The following CAP2 variants were observed in gnomAD, a reference collection of about 807,000 sequenced individuals.
CAP2 encodes the protein adenylyl cyclase-associated protein 2.
In CAP2, 24 loss-of-function variants were observed where a neutral mutation model predicts 57.7. That is an observed-to-expected ratio of 0.42 (90% confidence interval 0.30 to 0.58). The LOEUF (loss-of-function observed/expected upper bound fraction) is 0.58, where lower values mean the gene tolerates loss of function less well. Ranked by LOEUF, CAP2 falls within the 20% of genes least tolerant of loss-of-function variation. CAP2 has a pLI of 0.22. For missense variants in CAP2, 501 were observed against 590.3 expected (o/e 0.85, Z 1.57); for synonymous variants, 194 against 207.2 (o/e 0.94, Z 0.55).
chr6:17,485,992 A>G (rs1761409108), intron 4 of CAP2, among the ~76,000 whole-genome samples: 1 of 152,242 alleles, frequency 6.6e-6, no homozygotes, highest in African/African-American at 2.4e-5. Context: ...CTGAAAGCCT[A>G]AAGTCCCTCA....
chr6:17,497,636 C>T (rs1387770145), intron 4 of CAP2, among the ~76,000 whole-genome samples: 1 of 152,182 alleles, frequency 6.6e-6, no homozygotes, highest in Non-Finnish European at 1.5e-5. Context: ...CATGCCCCTG[C>T]CATGAATCCA....
At chr6:17,511,532 A>G (rs913166686) in intron 6 of CAP2, among the ~76,000 whole-genome samples, 11 of 151,970 alleles carry the variant, frequency 7.2e-5, no homozygotes, top group Non-Finnish European at 1.3e-4. Flanking sequence ...GCTCACTGCA[A>G]TCTCTGCCTC....
At chr6:17,457,188 A>G (rs1304440378) in intron 3 of CAP2, among the ~76,000 whole-genome samples, 2 of 152,222 alleles carry the variant, frequency 1.3e-5, no homozygotes, top group Admixed American at 1.3e-4. Context: ...CTCTGCACAC[A>G]CATGCTCACA....
At chr6:17,444,845 A>AC (rs1760211611) in intron 3 of CAP2, among the ~76,000 whole-genome samples, 1 of 81,132 alleles carries the variant, frequency 1.2e-5, no homozygotes, top group Admixed American at 1.1e-4. Context: ...CACACACACA[A>AC]CACGAGTCCT....
intron 4 of CAP2, among the ~76,000 whole-genome samples, chr6:17,468,809 T>C (rs73721583): frequency 0.025 from 3,844 of 152,298 alleles, 161 homozygotes; most frequent in African/African-American, 0.083. Flanking sequence ...AGGAAGTATG[T>C]TATTTCTAGT....
Position 17,499,573 on chromosome 6 carries a change from G to A in CAP2, c.301-7596G>A, listed in dbSNP as rs534841261. Among the ~76,000 whole-genome samples, 20 of 151,046 alleles carry A rather than the reference G, an allele frequency of 1.3e-4. No homozygotes were observed. The South Asian group carries it at 2.5e-3, about 19-fold the overall frequency. The stretch of plus-strand genomic sequence containing the variant: ...AGATAATATAAGCAAATATAGCTCC[G>A]GCACGGTGGCTCACGCCTGTAATCC... On this transcript the variant is annotated intron_variant, in intron 4 of 12. Coordinates refer to ENST00000229922, the MANE Select transcript of CAP2 (RefSeq NM_006366.3).
chr6:17,514,725 G>C (rs1581586275), intron 7 of CAP2, among the ~76,000 whole-genome samples: 1 of 152,108 alleles, frequency 6.6e-6, no homozygotes, highest in Non-Finnish European at 1.5e-5. Flanking sequence ...CTCCAGCCTG[G>C]GCCACAGAGT....
intron 7 of CAP2, among the ~76,000 whole-genome samples, chr6:17,535,380 T>C (rs1762750096): frequency 6.6e-6 from 1 of 151,802 alleles, no homozygotes; most frequent in African/African-American, 2.4e-5. Context: ...GTTCAAGCGA[T>C]TCTCCTGCCT....
chr6:17,400,468 G>A (rs1445644297), intron 1 of CAP2, among the ~76,000 whole-genome samples: 1 of 152,180 alleles, frequency 6.6e-6, no homozygotes, highest in African/African-American at 2.4e-5. Flanking sequence ...AGAATGAATA[G>A]AAGATGACAC....
At chr6:17,477,073 G>T (rs1761167370) in intron 4 of CAP2, among the ~76,000 whole-genome samples, 1 of 152,088 alleles carries the variant, frequency 6.6e-6, no homozygotes, top group African/African-American at 2.4e-5. Flanking sequence ...GTTTCACCAT[G>T]TTGGCCAGAA....
chr6:17,554,036 C>G (rs1345484457), intron 12 of CAP2, among the ~76,000 whole-genome samples: 1 of 152,170 alleles, frequency 6.6e-6, no homozygotes, highest in African/African-American at 2.4e-5. Context: ...CAAGATTTTT[C>G]CATTGCAGAT....
rs112847656 is a variant in CAP2, at chr6:17,416,560, G to A, written c.-1-4995G>A. ...GCATGCAGGTGGTAGTGAGGACTGG[G>A]CAAGCAAAAAGTAAACCCGTGTATT... is the stretch of plus-strand genomic sequence containing the variant. On this transcript the variant is annotated intron_variant, in intron 1 of 12. Coordinates refer to ENST00000229922, the MANE Select transcript of CAP2 (RefSeq NM_006366.3). 2.7e-3 allele frequency among the ~76,000 whole-genome samples: 406 copies of A among 152,260 alleles called. 2 individuals are homozygous for A. Among genetic ancestry groups the A allele is most frequent in the African/African-American group, 8.5e-3 (354 of 41,554 alleles).
chr6:17,539,407 T>G lies in CAP2; in HGVS notation c.775T>G (p.Ser259Ala). ...AGGCAAAAAAGAGGAATCTTCTCCT[T>G]CACGCTCAGCTTTATTTGCCCAACT... ...NEGKKEESSP[S>A]RSALFAQLNQ... is the part of the protein sequence containing the mutation. The change falls in exon 8 of 13, where the codon TCA (serine) becomes GCA (alanine). Residue 259 changes from serine to alanine, a missense_variant. Transcript: ENST00000229922. The G allele has an allele frequency of 6.2e-7, 1 of 1,614,140 alleles. No homozygotes were observed. Among genetic ancestry groups the G allele is most frequent in the Non-Finnish European group, 8.5e-7 (1 of 1,180,018 alleles).
intron 3 of CAP2, among the ~76,000 whole-genome samples, chr6:17,439,835 T>A (rs1368196454): frequency 6.6e-6 from 1 of 151,480 alleles, no homozygotes; most frequent in Admixed American, 6.6e-5. Context: ...ACTTGCTTGC[T>A]GGCTTGCTCA....
chr6:17,540,023 G>A (rs979947957), intron 8 of CAP2, among the ~76,000 whole-genome samples: 1 of 152,086 alleles, frequency 6.6e-6, no homozygotes, highest in African/African-American at 2.4e-5. Context: ...TGGGGGCTGC[G>A]GTGAGCTGAG....
chr6:17,394,082 G>T (rs1039515668), intron 1 of CAP2, among the ~76,000 whole-genome samples: 9 of 149,772 alleles, frequency 6.0e-5, no homozygotes, highest in African/African-American at 2.0e-4. Flanking sequence ...GGGCGGCCGC[G>T]GCCTCCCCAC....
chr6:17,431,478 A>G (rs9477425), intron 3 of CAP2, among the ~76,000 whole-genome samples: 14,107 of 152,246 alleles, frequency 0.093, 2,210 homozygotes, highest in African/African-American at 0.32. Flanking sequence ...TTTGACTTCT[A>G]TAAAGGATGA....
intron 4 of CAP2, among the ~76,000 whole-genome samples, chr6:17,502,429 GA>G (rs950522424): frequency 2.6e-5 from 4 of 152,078 alleles, no homozygotes; most frequent in African/African-American, 4.8e-5. Context: ...AAGTACAGGA[GA>G]AATCTATTGG....
At chr6:17,463,940 A>T (rs994549027) in intron 4 of CAP2, among the ~76,000 whole-genome samples, 1 of 152,212 alleles carries the variant, frequency 6.6e-6, no homozygotes, top group East Asian at 1.9e-4. Flanking sequence ...AGTAAGGCCC[A>T]TGGTAAATTT....
Sources: allele counts gnomAD v4.1 joint callset (sites outside exome capture counted in the v4.1 genomes callset), GRCh38; gene constraint gnomAD v4.1.1; transcripts MANE v1.5; gene names NCBI Gene and HGNC (gene_info 2026-07-23, HGNC 2026-07-21).